The following CMYA5 variants were observed in gnomAD, a reference collection of about 807,000 sequenced individuals.
CMYA5 encodes the protein cardiomyopathy-associated protein 5.
Under a neutral mutation model 318.9 loss-of-function variants are expected in CMYA5, and 246 were observed. That is an observed-to-expected ratio of 0.77 (90% confidence interval 0.70 to 0.86). The LOEUF (loss-of-function observed/expected upper bound fraction) is 0.86. CMYA5 is among the 40% of genes least tolerant of loss of function. The pLI, the probability that CMYA5 is intolerant of heterozygous loss-of-function variation, is 0.00. For synonymous variants in CMYA5, 1,641 were observed against 1,729.5 expected (o/e 0.95, Z 1.27); for missense variants, 4,589 against 4,678.2 (o/e 0.98, Z 0.56).
chr5:79,758,980 A>AT (rs1344515836), intron 7 of CMYA5, 78 bp downstream of exon 7: 1 of 1,150,440 alleles, frequency 8.7e-7, no homozygotes, highest in African/African-American at 1.6e-5. Context: ...ATACACCTGT[A>AT]TTATGACTCT....
chr5:79,732,884 C>G lies in CMYA5; in HGVS notation c.4119C>G (p.Ile1373Met). ...SNLTRAVKEE[I>M]PTDSSLITPV... ...TAACCAGAGCAGTAAAAGAAGAAAT[C>G]CCAACAGATTCATCTCTTATCACTC... The change falls in exon 2 of 13, where the codon ATC (isoleucine) becomes ATG (methionine). Residue 1373 changes from isoleucine (I) to methionine (M), a missense_variant. Transcript: ENST00000446378. The G allele has an allele frequency of 6.2e-7, 1 of 1,613,754 alleles. No homozygotes were observed. Among genetic ancestry groups the G allele is most frequent in the Non-Finnish European group, 8.5e-7 (1 of 1,179,804 alleles).
chr5:79,750,179 C>T (rs1034261175), intron 5 of CMYA5, among the ~76,000 whole-genome samples: 3 of 152,154 alleles, frequency 2.0e-5, no homozygotes, highest in African/African-American at 4.8e-5. Context: ...AGATTGAGGT[C>T]TGTAGCCACC....
intron 3 of CMYA5, 78 bp downstream of exon 3, chr5:79,744,000 C>A (rs1412967033): frequency 2.8e-6 from 2 of 708,322 alleles, no homozygotes; most frequent in Non-Finnish European, 2.3e-6. Flanking sequence ...GTGAAGGGAT[C>A]TGACTTGGGG....
rs570586614 is a variant in CMYA5, at chr5:79,788,750, G to A, written c.11556-221G>A. On this transcript the variant is annotated intron_variant, in intron 9 of 12. Transcript: ENST00000446378. ...TTTAAGTGTCTGGTTCTGTTGCAAA[G>A]AGCATTCTGGAAGGCACATAATAGA... Among the ~76,000 whole-genome samples, 4 of 152,244 alleles carry A rather than the reference G, an allele frequency of 2.6e-5. No homozygotes were observed. In the East Asian group the frequency reaches 7.7e-4, roughly 29 times the overall value.
At position 79,733,940 on chromosome 5, in the gene CMYA5, G is replaced by T. The variant is rs151112453; in HGVS notation, c.5175G>T (p.Ser1725=). 2,197 of 1,613,362 alleles carry T rather than the reference G, an allele frequency of 1.4e-3. 3 individuals carry two copies. The highest frequency in any genetic ancestry group is 2.0e-3 in the Admixed American group (119 of 59,938). Reference sequence around the variant, plus strand: ...CTCCCAAGATCATCAGCCTAGAGTCGAAAGAACCACCTGCCTCTGTAGCTG... The same window carrying T: ...CTCCCAAGATCATCAGCCTAGAGTCTAAAGAACCACCTGCCTCTGTAGCTG... ...PFSPKIISLE[S]KEPPASVAEG... The change falls in exon 2 of 13, where the codon TCG becomes TCT. Residue 1725 remains serine, a synonymous_variant. Transcript: ENST00000446378.
chr5:79,740,170 A>C (rs1263297583), intron 2 of CMYA5, among the ~76,000 whole-genome samples: 2 of 152,116 alleles, frequency 1.3e-5, no homozygotes, highest in African/African-American at 4.8e-5. Flanking sequence ...ATTTTATATC[A>C]GAGACTTGAG....
At chr5:79,706,514 A>T (rs1827276294) in intron 1 of CMYA5, among the ~76,000 whole-genome samples, 1 of 152,126 alleles carries the variant, frequency 6.6e-6, no homozygotes, top group South Asian at 2.1e-4. Context: ...GTACGCCTTA[A>T]CCCTAAAGAG....
At chr5:79,759,557 A>G (rs1828605877) in intron 7 of CMYA5, among the ~76,000 whole-genome samples, 1 of 150,822 alleles carries the variant, frequency 6.6e-6, no homozygotes, top group Non-Finnish European at 1.5e-5. Context: ...GAGCCTCTGT[A>G]AGTATCTCTC....
rs1447433113 is a variant in CMYA5, at chr5:79,763,063, AC to A, written c.11412del (p.Ser3805ProfsTer4). On this transcript the variant is annotated frameshift_variant and splice_region_variant, in exon 9 of 13. Coordinates refer to ENST00000446378, the MANE Select transcript of CMYA5 (RefSeq NM_153610.5). LOFTEE classifies it high-confidence loss of function. ...ACTGTCCTGACTCTCTTTCTGCAGC[AC>A]CCTCCACCCCTGTGATCCGCGCTGA... is the stretch of plus-strand genomic sequence containing the variant. ...PSERAIFRTA[P>X]STPVIRAEDC... 2 of 1,611,236 alleles carry A rather than the reference AC, an allele frequency of 1.2e-6. No individual in the cohort carries two copies. Among genetic ancestry groups the A allele is most frequent in the African/African-American group, 2.7e-5 (2 of 74,776 alleles).
intron 5 of CMYA5, among the ~76,000 whole-genome samples, chr5:79,749,902 GA>G (rs1478851854): frequency 2.0e-5 from 3 of 152,140 alleles, no homozygotes; most frequent in African/African-American, 7.2e-5. Flanking sequence ...CAAGTGTTGT[GA>G]ATCTCTGCTT....
At chr5:79,773,209 A>G (rs1456960221) in intron 9 of CMYA5, among the ~76,000 whole-genome samples, 2 of 152,260 alleles carry the variant, frequency 1.3e-5, no homozygotes, top group African/African-American at 4.8e-5. Context: ...TAACTACTCA[A>G]TAAATATGTG....
chr5:79,763,275 A>G lies in CMYA5; in HGVS notation c.11555+66A>G. 6 of 1,352,652 alleles carry G rather than the reference A, an allele frequency of 4.4e-6. No homozygotes were observed. In the South Asian group the frequency reaches 8.6e-5, roughly 19 times the overall value. 83.8% of individuals were successfully genotyped at this position (1,352,652 alleles called of 1,614,324 possible). On this transcript the variant is annotated intron_variant, in intron 9 of 12. Transcript: ENST00000446378. Reference sequence around the variant, plus strand: ...GTAACCAAGCTCTGGGTCCTAAACTACCCTCTAACTTCTGCTCACCAAGGG... The same window carrying G: ...GTAACCAAGCTCTGGGTCCTAAACTGCCCTCTAACTTCTGCTCACCAAGGG...
At chr5:79,723,365 G>A (rs1176674183) in intron 1 of CMYA5, among the ~76,000 whole-genome samples, 1 of 151,654 alleles carries the variant, frequency 6.6e-6, no homozygotes, top group Non-Finnish European at 1.5e-5. Context: ...CTTGAACTCT[G>A]GAGGCAGAGA....
At chr5:79,744,972 A>G (rs1419089767) in intron 3 of CMYA5, among the ~76,000 whole-genome samples, 5 of 152,190 alleles carry the variant, frequency 3.3e-5, no homozygotes, top group African/African-American at 1.2e-4. Context: ...ATGAAAATAT[A>G]TATATTTTGT....
At chr5:79,721,454 A>T (rs1160434869) in intron 1 of CMYA5, among the ~76,000 whole-genome samples, 2 of 152,248 alleles carry the variant, frequency 1.3e-5, no homozygotes, top group Non-Finnish European at 2.9e-5. Context: ...TATTACATTT[A>T]AATGAACTAA....
Position 79,732,048 on chromosome 5 carries a change from G to T in CMYA5, c.3283G>T (p.Glu1095Ter). ...DKSEKAEIKP[E>*]IPTTSTSVSE... ...ATCAGAGAAAGCAGAAATTAAGCCA[G>T]AGATTCCAACAACCTCAACATCTGT... The change falls in exon 2 of 13, where the codon GAG becomes TAG. Residue 1095 changes from glutamate to a stop codon, truncating the protein, a stop_gained. Transcript: ENST00000446378. LOFTEE classifies it high-confidence loss of function. 6.2e-7 allele frequency: 1 copy of T among 1,613,848 alleles called. No homozygotes were observed. Among genetic ancestry groups the T allele is most frequent in the East Asian group, 2.2e-5 (1 of 44,892 alleles).
chr5:79,762,583 TC>T (rs2151095184), intron 8 of CMYA5: 1 of 154,024 alleles, frequency 6.5e-6, no homozygotes, highest in South Asian at 2.0e-4. Flanking sequence ...TGAAATCTTT[TC>T]ACAGGGTAAG....
At chr5:79,793,727 C>A in intron 12 of CMYA5, 117 bp downstream of exon 12, 3 of 905,664 alleles carry the variant, frequency 3.3e-6, no homozygotes, top group Non-Finnish European at 3.3e-6. Flanking sequence ...TCTGAGCCAA[C>A]TAAGAAAGAA....
chr5:79,691,888 T>C (rs1427946340), intron 1 of CMYA5, among the ~76,000 whole-genome samples: 2 of 152,198 alleles, frequency 1.3e-5, no homozygotes, highest in African/African-American at 4.8e-5. Context: ...CACATTGGTT[T>C]GGTCCAGAAA....
Sources: allele counts gnomAD v4.1 joint callset (sites outside exome capture counted in the v4.1 genomes callset), GRCh38; gene constraint gnomAD v4.1.1; transcripts MANE v1.5; gene names NCBI Gene and HGNC (gene_info 2026-07-23, HGNC 2026-07-21).